Variants in P2RY14 observed in about 807,000 individuals in gnomAD.
The protein encoded by P2RY14 is purinergic receptor P2Y14.
Under a neutral mutation model 0.9 loss-of-function variants are expected in P2RY14, and 2 were observed. The observed-to-expected ratio is 2.16, with a 90% CI of 0.88 to 6.79. The LOEUF is 6.79. P2RY14 is among the 30% of genes most tolerant of loss of function. The pLI, the probability that P2RY14 is intolerant of heterozygous loss-of-function variation, is 0.05. For missense variants in P2RY14, 378 were observed against 400.1 expected (o/e 0.94, Z 0.47); for synonymous variants, 158 against 147.2 (o/e 1.07, Z -0.53).
intron 1 of P2RY14, among the ~76,000 whole-genome samples, chr3:151,243,024 A>C (rs1734537649): frequency 6.6e-6 from 1 of 151,812 alleles, no homozygotes; most frequent in Non-Finnish European, 1.5e-5. Flanking sequence ...CAGCGATGGA[A>C]GATGAAATGA....
intron 1 of P2RY14, among the ~76,000 whole-genome samples, chr3:151,265,353 CAG>C (rs1739635507): frequency 6.6e-6 from 1 of 152,208 alleles, no homozygotes; most frequent in South Asian, 2.1e-4. Flanking sequence ...TTTCCCAGCA[CAG>C]ACGTGGAATT....
intron 1 of P2RY14, among the ~76,000 whole-genome samples, chr3:151,243,102 A>G (rs1229506390): frequency 6.6e-6 from 1 of 151,392 alleles, no homozygotes; most frequent in Non-Finnish European, 1.5e-5. Flanking sequence ...GCCTCCAAGA[A>G]ATATGGGGCT....
At chr3:151,243,142 G>A (rs906906465) in intron 1 of P2RY14, among the ~76,000 whole-genome samples, 12 of 152,076 alleles carry the variant, frequency 7.9e-5, no homozygotes, top group African/African-American at 2.7e-4. Context: ...ATGTCTGCTT[G>A]GTGTACCTGA....
chr3:151,255,496 C>A (rs1737652074), intron 1 of P2RY14, among the ~76,000 whole-genome samples: 3 of 152,044 alleles, frequency 2.0e-5, no homozygotes, highest in Admixed American at 1.3e-4. Context: ...TAAATGCCCA[C>A]CAACTTTGGT....
At chr3:151,234,015 G>GA (rs1732245318) in intron 1 of P2RY14, among the ~76,000 whole-genome samples, 2 of 152,206 alleles carry the variant, frequency 1.3e-5, no homozygotes, top group African/African-American at 4.8e-5. Flanking sequence ...TTTGGAAAGG[G>GA]AATTGGAAAT....
intron 1 of P2RY14, among the ~76,000 whole-genome samples, chr3:151,241,498 C>T (rs926720270): frequency 6.6e-6 from 1 of 152,028 alleles, no homozygotes; most frequent in Admixed American, 6.6e-5. Flanking sequence ...AGCATCTTCC[C>T]CTATAATGGA....
At chr3:151,244,678 A>G (rs1229394962) in intron 1 of P2RY14, among the ~76,000 whole-genome samples, 6 of 151,252 alleles carry the variant, frequency 4.0e-5, no homozygotes, top group Non-Finnish European at 8.9e-5. Context: ...AAGATCCAAA[A>G]TTGACACCCT....
At chr3:151,256,855 T>C (rs1219006516) in intron 1 of P2RY14, among the ~76,000 whole-genome samples, 1 of 151,850 alleles carries the variant, frequency 6.6e-6, no homozygotes, top group Non-Finnish European at 1.5e-5. Context: ...AGAGGTTTTT[T>C]TTTTGTTGTT....
At chr3:151,223,514 A>G (rs1425582126) in intron 1 of P2RY14, among the ~76,000 whole-genome samples, 1 of 152,248 alleles carries the variant, frequency 6.6e-6, no homozygotes, top group African/African-American at 2.4e-5. Context: ...GCAGCCATAC[A>G]AAAGAAATCA....
At chr3:151,215,740 A>G (rs1728088134) in intron 2 of P2RY14, among the ~76,000 whole-genome samples, 1 of 152,220 alleles carries the variant, frequency 6.6e-6, no homozygotes, top group Non-Finnish European at 1.5e-5. Context: ...ACCCTTTAGT[A>G]GTCTGTCCTT....
At chr3:151,236,343 A>G (rs959962576) in intron 1 of P2RY14, among the ~76,000 whole-genome samples, 1 of 152,226 alleles carries the variant, frequency 6.6e-6, no homozygotes, top group African/African-American at 2.4e-5. Context: ...ACATATATAG[A>G]TATCCTTTTA....
At chr3:151,239,777 A>C (rs1387874309) in intron 1 of P2RY14, among the ~76,000 whole-genome samples, 1 of 152,176 alleles carries the variant, frequency 6.6e-6, no homozygotes, top group African/African-American at 2.4e-5. Context: ...TATGGTTGTT[A>C]GTTTGCTTGT....
chr3:151,268,890 A>G (rs933019251), intron 1 of P2RY14, among the ~76,000 whole-genome samples: 2 of 152,324 alleles, frequency 1.3e-5, no homozygotes, highest in Non-Finnish European at 2.9e-5. Flanking sequence ...TGGTTTTAGT[A>G]TGCAAAATTT....
chr3:151,214,247 T>A lies in P2RY14; in HGVS notation c.70A>T (p.Ile24Phe). Residue 24 changes from isoleucine to phenylalanine, a missense_variant, in exon 3 of 3, where the codon ATC becomes TTC. Transcript: ENST00000309170. ...ACCATACAGTACAGCACAGGAATGA[T>A]CTGCTGAGTGATCAGGAGGTTCTGA... ...CSQNLLITQQ[I>F]IPVLYCMVFI... 2 of 1,614,052 alleles carry A rather than the reference T, an allele frequency of 1.2e-6. No homozygotes were observed. Among genetic ancestry groups the A allele is most frequent in the Non-Finnish European group, 1.7e-6 (2 of 1,179,940 alleles).
At chr3:151,231,258 G>A (rs1295027295) in intron 1 of P2RY14, among the ~76,000 whole-genome samples, 1 of 152,210 alleles carries the variant, frequency 6.6e-6, no homozygotes, top group African/African-American at 2.4e-5. Flanking sequence ...CAACCTCAGT[G>A]TGATAACTGA....
intron 1 of P2RY14, among the ~76,000 whole-genome samples, chr3:151,255,476 G>A (rs554444357): frequency 8.5e-5 from 13 of 152,174 alleles, no homozygotes; most frequent in Non-Finnish European, 8.8e-5. Flanking sequence ...GCGGGCAGGC[G>A]GTTTGGGTAT....
intron 1 of P2RY14, among the ~76,000 whole-genome samples, chr3:151,230,263 C>T (rs144883953): frequency 5.9e-5 from 9 of 152,294 alleles, no homozygotes; most frequent in East Asian, 5.8e-4. Flanking sequence ...CGTGAGCCAC[C>T]GCACCCGGCC....
At chr3:151,239,598 T>C (rs1158876675) in intron 1 of P2RY14, among the ~76,000 whole-genome samples, 1 of 152,244 alleles carries the variant, frequency 6.6e-6, no homozygotes, top group Non-Finnish European at 1.5e-5. Context: ...TTAAAAGTTT[T>C]ATAACTGTCA....
chr3:151,259,543 A>C (rs1180006341), intron 1 of P2RY14, among the ~76,000 whole-genome samples: 1 of 152,222 alleles, frequency 6.6e-6, no homozygotes, highest in Non-Finnish European at 1.5e-5. Flanking sequence ...TCACCCTAAG[A>C]ATAAGTAGAC....
Sources: allele counts gnomAD v4.1 joint callset (sites outside exome capture counted in the v4.1 genomes callset), GRCh38; gene constraint gnomAD v4.1.1; transcripts MANE v1.5; gene names NCBI Gene and HGNC (gene_info 2026-07-23, HGNC 2026-07-21).